DCDC1: variants seen among roughly 807,000 people sequenced by gnomAD.
The protein encoded by DCDC1 is doublecortin domain-containing protein 1.
Under a neutral mutation model 178.3 loss-of-function variants are expected in DCDC1, and 200 were observed. The observed-to-expected ratio is 1.12, with a 90% CI of 1.00 to 1.26. The LOEUF (loss-of-function observed/expected upper bound fraction) is 1.26, where lower values mean the gene tolerates loss of function less well. DCDC1 is among the 50% of genes most tolerant of loss of function. The pLI is 0.00. For missense variants in DCDC1, 1,983 were observed against 1,749.2 expected, an observed-to-expected ratio of 1.13 and a Z score of -2.38; for synonymous variants, 690 against 604.8, an observed-to-expected ratio of 1.14 and a Z score of -2.07.
intron 20 of DCDC1, among the ~76,000 whole-genome samples, chr11:30,993,314 G>A (rs1339462320): frequency 1.3e-5 from 2 of 152,002 alleles, no homozygotes; most frequent in African/African-American, 2.4e-5. Context: ...TTCAGAGATT[G>A]CCCGTGTTAT....
intron 9 of DCDC1, among the ~76,000 whole-genome samples, chr11:31,142,436 G>C (rs1963935943): frequency 6.6e-6 from 1 of 152,010 alleles, no homozygotes; most frequent in Non-Finnish European, 1.5e-5. Flanking sequence ...TAAATAGTAA[G>C]GTTGATTCTT....
At chr11:31,255,596 T>C (rs1944365956) in intron 8 of DCDC1, among the ~76,000 whole-genome samples, 1 of 152,202 alleles carries the variant, frequency 6.6e-6, no homozygotes. Context: ...TGAGTGTCTT[T>C]TCATGTGCTT....
At chr11:31,252,328 G>C (rs771423369) in intron 8 of DCDC1, among the ~76,000 whole-genome samples, 1 of 152,130 alleles carries the variant, frequency 6.6e-6, no homozygotes, top group Non-Finnish European at 1.5e-5. Flanking sequence ...AGAGGTAGAA[G>C]TTTAGTAGGA....
intron 17 of DCDC1, among the ~76,000 whole-genome samples, chr11:31,082,822 T>C (rs1269089318): frequency 6.6e-6 from 1 of 152,148 alleles, no homozygotes; most frequent in Non-Finnish European, 1.5e-5. Flanking sequence ...CAGCCTCAAA[T>C]GGCTCTGGTG....
intron 20 of DCDC1, among the ~76,000 whole-genome samples, chr11:30,997,139 T>C (rs1951316187): frequency 6.6e-6 from 1 of 152,216 alleles, no homozygotes; most frequent in Admixed American, 6.5e-5. Context: ...AAGGAAAAGC[T>C]GTAGGGACAG....
In DCDC1 at chr11:31,180,356, T is replaced by C. The variant is rs560400703; in HGVS notation, c.1222-42572A>G. On this transcript the variant is annotated intron_variant, in intron 9 of 38. Transcript: ENST00000684477. ...TGGATTTATTATCAAACTACCCTGA[T>C]TGGATCATTATATAACATAGATATA... Among the ~76,000 whole-genome samples the C allele has an allele frequency of 9.2e-5, 14 of 152,292 alleles. No homozygotes were observed. The East Asian group carries it at 9.6e-4, about 10-fold the overall frequency.
intron 20 of DCDC1, among the ~76,000 whole-genome samples, chr11:31,023,760 C>A (rs1018883807): frequency 6.6e-6 from 1 of 151,376 alleles, no homozygotes; most frequent in Non-Finnish European, 1.5e-5. Context: ...GGATATTAAC[C>A]GAGAATTCAC....
At chr11:31,025,905 ACT>A (rs1016327176) in intron 20 of DCDC1, among the ~76,000 whole-genome samples, 5 of 151,792 alleles carry the variant, frequency 3.3e-5, no homozygotes, top group African/African-American at 1.2e-4. Flanking sequence ...AGCAGAAAGA[ACT>A]GAGGTATGGA....
In DCDC1 at chr11:30,916,874, G is replaced by A; in HGVS notation, c.3448C>T (p.His1150Tyr). The A allele has an allele frequency of 6.2e-7, 1 of 1,600,676 alleles. No individual in the cohort carries two copies. Among genetic ancestry groups the A allele is most frequent in the South Asian group, 1.1e-5 (1 of 87,256 alleles). The change falls in exon 26 of 39, where the codon CAC becomes TAC. Residue 1150 changes from histidine (H) to tyrosine (Y), a missense_variant. By Grantham distance (83) the His-to-Tyr change is moderately conservative (BLOSUM62 2). Coordinates refer to ENST00000684477, the MANE Select transcript of DCDC1 (RefSeq NM_001387274.1). Reference sequence around the variant, plus strand: ...GAATCCTTTGCAACTTTTTACCTGTGTTTCTTCTGTGGTTCCACATTTTCA... The same window carrying A: ...GAATCCTTTGCAACTTTTTACCTGTATTTCTTCTGTGGTTCCACATTTTCA... ...LFENVEPQKKHSCSPKHSKLH... is the reference protein window; with the variant it reads ...LFENVEPQKKYSCSPKHSKLH...
intron 1 of DCDC1, among the ~76,000 whole-genome samples, chr11:31,354,719 GAAGAA>G: frequency 6.6e-6 from 1 of 152,098 alleles, no homozygotes; most frequent in East Asian, 1.9e-4. Flanking sequence ...AATGATTTAG[GAAGAA>G]AGGAATTTAA....
intron 3 of DCDC1, among the ~76,000 whole-genome samples, chr11:31,326,884 T>A (rs1949676067): frequency 6.6e-6 from 1 of 152,200 alleles, no homozygotes; most frequent in Non-Finnish European, 1.5e-5. Context: ...GACTAGGGCA[T>A]CACACTCAGA....
intron 20 of DCDC1, among the ~76,000 whole-genome samples, chr11:31,045,711 G>A (rs943652894): frequency 1.4e-4 from 22 of 151,848 alleles, no homozygotes; most frequent in Admixed American, 8.5e-4. Flanking sequence ...TATCGAACCC[G>A]CCTAGATAAG....
At chr11:31,050,692 A>AC (rs1955186042) in intron 20 of DCDC1, among the ~76,000 whole-genome samples, 1 of 151,998 alleles carries the variant, frequency 6.6e-6, no homozygotes, top group African/African-American at 2.4e-5. Context: ...TGTGCAGACA[A>AC]CCCCTAGTAC....
At chr11:30,897,582 C>CAAAAAAAAA (rs35815662) in intron 34 of DCDC1, among the ~76,000 whole-genome samples, 1 of 72,956 alleles carries the variant, frequency 1.4e-5, no homozygotes, top group Non-Finnish European at 2.6e-5. Flanking sequence ...GACTCCGTCT[C>CAAAAAAAAA]AAAAAAAAAA....
chr11:31,303,908 A>C (rs556876904), intron 6 of DCDC1, among the ~76,000 whole-genome samples: 3 of 152,236 alleles, frequency 2.0e-5, no homozygotes, highest in African/African-American at 4.8e-5. Flanking sequence ...CCATTGCACA[A>C]CACCAGATTT....
intron 36 of DCDC1, among the ~76,000 whole-genome samples, chr11:30,887,910 G>C (rs1438867782): frequency 1.3e-5 from 2 of 151,498 alleles, no homozygotes; most frequent in Non-Finnish European, 2.9e-5. Flanking sequence ...TTGGGAGGCA[G>C]GAGAATCACT....
chr11:31,011,443 TG>T (rs1952160598), intron 20 of DCDC1, among the ~76,000 whole-genome samples: 1 of 151,994 alleles, frequency 6.6e-6, no homozygotes, highest in Non-Finnish European at 1.5e-5. Context: ...CAATAGAAAA[TG>T]GGTAAAAGAT....
Position 30,916,888 on chromosome 11 carries a change from T to C in DCDC1, c.3434A>G (p.Glu1145Gly). The change falls in exon 26 of 39, where the codon GAA (glutamate) becomes GGA (glycine). Residue 1145 changes from glutamate to glycine, a missense_variant. Transcript: ENST00000684477. ...TTTTTACCTGTGTTTCTTCTGTGGT[T>C]CCACATTTTCAAAGAGCCCTTTTTC... ...KTEKGLFENV[E>G]PQKKHSCSPK... is the part of the protein sequence containing the mutation. The C allele has an allele frequency of 6.2e-7, 1 of 1,606,004 alleles. No homozygotes were observed. The highest frequency in any genetic ancestry group is 8.5e-7 in the Non-Finnish European group (1 of 1,176,970).
At chr11:30,921,791 T>G (rs557725722) in intron 24 of DCDC1, among the ~76,000 whole-genome samples, 1 of 152,150 alleles carries the variant, frequency 6.6e-6, no homozygotes, top group East Asian at 1.9e-4. Flanking sequence ...GCTACTCCAA[T>G]CTGAGGCACA....
Sources: allele counts gnomAD v4.1 joint callset (sites outside exome capture counted in the v4.1 genomes callset), GRCh38; gene constraint gnomAD v4.1.1; transcripts MANE v1.5; gene names NCBI Gene and HGNC (gene_info 2026-07-23, HGNC 2026-07-21).